Variants in ATL2 observed in about 807,000 individuals in gnomAD.
ATL2 encodes the protein atlastin GTPase 2.
ATL2 carries 31 observed loss-of-function variants against 73.9 expected under a neutral mutation model. That is an observed-to-expected ratio of 0.42 (90% confidence interval 0.32 to 0.57). The LOEUF (loss-of-function observed/expected upper bound fraction) is 0.57. ATL2 is among the 20% of genes least tolerant of loss of function. The probability of loss-of-function intolerance (pLI) is 0.14; values close to 1 mark genes in which losing one functional copy is unlikely to be tolerated. For synonymous variants in ATL2, 291 were observed against 237.5 expected, an observed-to-expected ratio of 1.23 and a Z score of -2.07; for missense variants, 738 against 702.6, an observed-to-expected ratio of 1.05 and a Z score of -0.57.
In ATL2 at chr2:38,357,172, A is replaced by G. The variant is rs140972542; in HGVS notation, c.119-13660T>C. On this transcript the variant is annotated intron_variant, in intron 1 of 12. Transcript: ENST00000378954. ...GTGAAACCCTGTCTCTACTAAAAAT[A>G]CAAAAATTAGCTGGGCATGGTGGTG... Among the ~76,000 whole-genome samples, 1,050 of 152,128 alleles carry G rather than the reference A, an allele frequency of 6.9e-3. 13 individuals carry two copies. Among genetic ancestry groups the G allele is most frequent in the East Asian group, 0.058 (301 of 5,156 alleles).
chr2:38,336,527 C>A (rs1432256179), intron 2 of ATL2, among the ~76,000 whole-genome samples: 2 of 152,144 alleles, frequency 1.3e-5, no homozygotes, highest in South Asian at 2.1e-4. Flanking sequence ...TAGTTCAACT[C>A]TGAAGTAAAC....
At chr2:38,353,734 C>A (rs1246540664) in intron 1 of ATL2, among the ~76,000 whole-genome samples, 1 of 152,054 alleles carries the variant, frequency 6.6e-6, no homozygotes, top group Non-Finnish European at 1.5e-5. Flanking sequence ...TTATACAGAG[C>A]AGAATAATTC....
At chr2:38,349,803 C>T (rs1670239073) in intron 1 of ATL2, among the ~76,000 whole-genome samples, 1 of 152,146 alleles carries the variant, frequency 6.6e-6, no homozygotes, top group South Asian at 2.1e-4. Flanking sequence ...AAAGACAGGC[C>T]TTTCAAATAG....
chr2:38,366,497 A>C (rs920299420), intron 1 of ATL2, among the ~76,000 whole-genome samples: 2 of 152,192 alleles, frequency 1.3e-5, no homozygotes, highest in African/African-American at 4.8e-5. Context: ...TTATGTCATA[A>C]AAAGTTACCA....
rs113824847 is a variant in ATL2, at chr2:38,337,015, C to T, written c.363+6253G>A. Among the ~76,000 whole-genome samples the T allele has an allele frequency of 4.9e-3, 738 of 152,158 alleles. 7 individuals carry two copies. Among genetic ancestry groups the T allele is most frequent in the African/African-American group, 0.017 (687 of 41,526 alleles). The stretch of plus-strand genomic sequence containing the variant: ...TGCAGAACATGTAAAACTACACCAA[C>T]GGGATGTAATCTGCAAATCCAGAGT... On this transcript the variant is annotated intron_variant, in intron 2 of 12. Coordinates refer to ENST00000378954, the MANE Select transcript of ATL2 (RefSeq NM_001135673.4).
chr2:38,324,604 T>C (rs548258379), intron 2 of ATL2, among the ~76,000 whole-genome samples: 1 of 152,288 alleles, frequency 6.6e-6, no homozygotes, highest in South Asian at 2.1e-4. Context: ...GCCCAACTCT[T>C]CCCATCTGGG....
intron 1 of ATL2, among the ~76,000 whole-genome samples, chr2:38,351,265 T>C (rs868066938): frequency 6.6e-6 from 1 of 152,136 alleles, no homozygotes; most frequent in African/African-American, 2.4e-5. Flanking sequence ...TCAAGTTTAT[T>C]CTAGCACATA....
intron 2 of ATL2, among the ~76,000 whole-genome samples, chr2:38,342,877 T>C (rs1376897892): frequency 6.6e-6 from 1 of 151,818 alleles, no homozygotes; most frequent in East Asian, 1.9e-4. Context: ...CTTACATTAC[T>C]GTATTGACCA....
chr2:38,374,015 C>T (rs958957198), intron 1 of ATL2, among the ~76,000 whole-genome samples: 5 of 152,180 alleles, frequency 3.3e-5, no homozygotes, highest in African/African-American at 1.2e-4. Context: ...CCTCAGCCTC[C>T]TAAATAGCTG....
At chr2:38,300,354 C>T in intron 9 of ATL2, 26 bp from the exon 10 acceptor site, 1 of 1,566,244 alleles carries the variant, frequency 6.4e-7, no homozygotes, top group Non-Finnish European at 8.8e-7. Context: ...ATTTGTTAGA[C>T]TGACGGATTA....
chr2:38,313,684 ATGCTGACATTTTGGGTCAGCAC>A (rs529160620), intron 6 of ATL2, among the ~76,000 whole-genome samples: 4,364 of 150,542 alleles, frequency 0.029, 144 homozygotes, highest in African/African-American at 0.049. Flanking sequence ...GATTTCTCAA[ATGCTGACATTTTGGGTCAGCAC>A]TGCTGACATT....
At chr2:38,376,842 A>G (rs1671999505) in intron 1 of ATL2, among the ~76,000 whole-genome samples, 3 of 151,048 alleles carry the variant, frequency 2.0e-5, no homozygotes, top group Non-Finnish European at 4.4e-5. Flanking sequence ...GTCGGGGCGG[A>G]CACGGCGGCA....
intron 2 of ATL2, among the ~76,000 whole-genome samples, chr2:38,325,695 C>CA (rs1558412023): frequency 9.7e-4 from 9 of 9,248 alleles, no homozygotes; most frequent in African/African-American, 2.3e-3. Flanking sequence ...CACACACACA[C>CA]CAGTACACAC....
rs549484590 is a variant in ATL2, at chr2:38,362,958, A to C, written c.118+14185T>G. Reference sequence around the variant, plus strand: ...GGAAAAGAGGAAAACATTATTAGTAACTTTCTCATCCCTCAAAATAATTCA... The same window carrying C: ...GGAAAAGAGGAAAACATTATTAGTACCTTTCTCATCCCTCAAAATAATTCA... On this transcript the variant is annotated intron_variant, in intron 1 of 12. Transcript: ENST00000378954. Among the ~76,000 whole-genome samples the C allele has an allele frequency of 2.0e-4, 30 of 152,330 alleles. No homozygotes were observed. In the South Asian group the frequency reaches 4.8e-3, roughly 24 times the overall value.
At chr2:38,357,794 C>A (rs1437064266) in intron 1 of ATL2, among the ~76,000 whole-genome samples, 1 of 151,990 alleles carries the variant, frequency 6.6e-6, no homozygotes, top group Non-Finnish European at 1.5e-5. Context: ...TGACAACATT[C>A]AAGTTCTAGT....
intron 1 of ATL2, chr2:38,376,284 C>A: frequency 1.5e-6 from 2 of 1,344,786 alleles, no homozygotes; most frequent in Non-Finnish European, 1.9e-6. Flanking sequence ...GGATACACTG[C>A]GCTGCCAACG....
chr2:38,354,627 C>T (rs529686682), intron 1 of ATL2, among the ~76,000 whole-genome samples: 12 of 151,976 alleles, frequency 7.9e-5, no homozygotes, highest in South Asian at 4.2e-4. Context: ...TGGTGGCTCA[C>T]GTCTGTAATC....
At chr2:38,338,975 G>A (rs780730503) in intron 2 of ATL2, among the ~76,000 whole-genome samples, 9 of 152,254 alleles carry the variant, frequency 5.9e-5, no homozygotes, top group African/African-American at 1.7e-4. Context: ...AGCACTTTGG[G>A]AGGCTGAGGC....
At chr2:38,306,834 A>G (rs768378596) in intron 9 of ATL2, among the ~76,000 whole-genome samples, 33 of 152,206 alleles carry the variant, frequency 2.2e-4, no homozygotes, top group Non-Finnish European at 4.1e-4. Flanking sequence ...TAAGATCTGA[A>G]ACAAAACAAG....
Sources: allele counts gnomAD v4.1 joint callset (sites outside exome capture counted in the v4.1 genomes callset), GRCh38; gene constraint gnomAD v4.1.1; transcripts MANE v1.5; gene names NCBI Gene and HGNC (gene_info 2026-07-23, HGNC 2026-07-21).